The following PRKCE variants were observed in gnomAD, a reference collection of about 807,000 sequenced individuals.
PRKCE encodes protein kinase C epsilon type.
Under a neutral mutation model 85.4 loss-of-function variants are expected in PRKCE, and 16 were observed. The ratio of observed to expected loss-of-function variants is 0.19; its 90% CI spans 0.13 to 0.28. The LOEUF is 0.28. Among genes scored for constraint, PRKCE ranks in the 10% least tolerant of loss-of-function variants. PRKCE has a pLI of 1.00. For missense variants in PRKCE, 573 were observed against 975.2 expected (o/e 0.59, Z 5.49); for synonymous variants, 388 against 371.5 (o/e 1.04, Z -0.51).
chr2:46,040,975 T>A (rs1431021660), intron 10 of PRKCE, among the ~76,000 whole-genome samples: 1 of 152,216 alleles, frequency 6.6e-6, no homozygotes, highest in Non-Finnish European at 1.5e-5. Context: ...AATGAGAACT[T>A]TGTAAGTTAA....
intron 1 of PRKCE, among the ~76,000 whole-genome samples, chr2:45,706,757 G>A (rs1679148964): frequency 6.6e-6 from 1 of 152,192 alleles, no homozygotes; most frequent in Admixed American, 6.5e-5. Flanking sequence ...GTGTGTAAGA[G>A]AATCTAAGAA....
At position 46,083,803 on chromosome 2, in the gene PRKCE, A is replaced by T. The variant is rs560551229; in HGVS notation, c.1438-2405A>T. On this transcript the variant is annotated intron_variant, in intron 10 of 14. Transcript: ENST00000306156. The stretch of plus-strand genomic sequence containing the variant: ...CCATGTGATTCTAATGCACAAGTTT[A>T]AGAGTCTTTGTTCTTGGAAGGAATC... 2.0e-4 allele frequency among the ~76,000 whole-genome samples: 30 copies of T among 152,346 alleles called. No individual in the cohort carries two copies. In the South Asian group the frequency reaches 5.0e-3, roughly 25 times the overall value.
rs1384239207 is a variant in PRKCE, at chr2:45,800,076, T to C, written c.349-42924T>C. Among the ~76,000 whole-genome samples the C allele has an allele frequency of 2.0e-5, 3 of 152,190 alleles. No homozygotes were observed. In the East Asian group the frequency reaches 5.8e-4, roughly 29 times the overall value. On this transcript the variant is annotated intron_variant, in intron 1 of 14. Coordinates refer to ENST00000306156, the MANE Select transcript of PRKCE (RefSeq NM_005400.3). ...TGGGGAGAGATTTTCCCCCTAGTTC[T>C]CTAGTTTGTATAATGCTGGGTAGAT... is the stretch of plus-strand genomic sequence containing the variant.
intron 10 of PRKCE, among the ~76,000 whole-genome samples, chr2:46,035,740 T>A (rs1255396320): frequency 2.0e-5 from 3 of 152,224 alleles, no homozygotes; most frequent in Non-Finnish European, 4.4e-5. Flanking sequence ...TGTATATACA[T>A]AAACATAGCC....
At chr2:45,826,512 C>G (rs1415641277) in intron 1 of PRKCE, among the ~76,000 whole-genome samples, 1 of 152,178 alleles carries the variant, frequency 6.6e-6, no homozygotes, top group Non-Finnish European at 1.5e-5. Context: ...GTTTTTAGAG[C>G]TGTGGCTGTC....
At chr2:45,712,107 A>AGTTGACC (rs1371990705) in intron 1 of PRKCE, among the ~76,000 whole-genome samples, 1 of 139,446 alleles carries the variant, frequency 7.2e-6, no homozygotes, top group Admixed American at 7.3e-5. Flanking sequence ...TCCTGTTGAC[A>AGTTGACC]GTTGACCTCT....
intron 10 of PRKCE, among the ~76,000 whole-genome samples, chr2:46,037,916 T>A (rs1449692639): frequency 6.6e-6 from 1 of 152,204 alleles, no homozygotes; most frequent in Non-Finnish European, 1.5e-5. Flanking sequence ...CTGAAACTCC[T>A]TGATGCTTAT....
At chr2:46,007,337 G>A (rs578057293) in intron 8 of PRKCE, 125 bp from the exon 9 acceptor site, 3 of 889,378 alleles carry the variant, frequency 3.4e-6, no homozygotes, top group Non-Finnish European at 5.2e-6. Context: ...ATGTCACACT[G>A]GATCTGTTGT....
intron 1 of PRKCE, among the ~76,000 whole-genome samples, chr2:45,824,103 A>C (rs1191824923): frequency 6.6e-6 from 1 of 152,244 alleles, no homozygotes; most frequent in Admixed American, 6.5e-5. Context: ...GGCACAGCCC[A>C]GCATGGCTGT....
chr2:46,007,765 G>A (rs143987431), intron 9 of PRKCE, 104 bp downstream of exon 9: 45 of 1,290,040 alleles, frequency 3.5e-5, no homozygotes, highest in African/African-American at 9.0e-5. Context: ...GCCTGATCTC[G>A]TTAGGTTTTC....
intron 11 of PRKCE, among the ~76,000 whole-genome samples, chr2:46,143,667 C>T (rs1378784672): frequency 6.6e-6 from 1 of 152,184 alleles, no homozygotes; most frequent in East Asian, 1.9e-4. Context: ...TCACCCACAG[C>T]CAGAGCTGGG....
intron 2 of PRKCE, among the ~76,000 whole-genome samples, chr2:45,897,730 G>T (rs980035658): frequency 2.6e-5 from 4 of 152,136 alleles, no homozygotes; most frequent in Non-Finnish European, 5.9e-5. Context: ...CAGTGTGGGG[G>T]GTACTGAGAT....
At chr2:46,152,798 C>T (rs549634427) in intron 13 of PRKCE, among the ~76,000 whole-genome samples, 2 of 152,278 alleles carry the variant, frequency 1.3e-5, no homozygotes, top group East Asian at 1.9e-4. Context: ...CCACCCACCT[C>T]GGCTTCCCAA....
intron 2 of PRKCE, 66 bp downstream of exon 2, chr2:45,843,129 T>TC: frequency 1.4e-6 from 2 of 1,399,970 alleles, no homozygotes; most frequent in Non-Finnish European, 2.0e-6. Flanking sequence ...GGTCTCTTCT[T>TC]TCCCCCCCTT....
chr2:45,780,417 A>G (rs914995781), intron 1 of PRKCE, among the ~76,000 whole-genome samples: 8 of 152,174 alleles, frequency 5.3e-5, no homozygotes, highest in African/African-American at 7.2e-5. Context: ...CTCTGGCCCT[A>G]TATTCCTTGT....
intron 1 of PRKCE, among the ~76,000 whole-genome samples, chr2:45,718,657 A>G (rs1475248555): frequency 1.3e-5 from 2 of 152,134 alleles, no homozygotes; most frequent in Non-Finnish European, 2.9e-5. Context: ...CAATTGTTAT[A>G]TAAAGTTGAT....
At chr2:45,838,178 C>T (rs1399893488) in intron 1 of PRKCE, among the ~76,000 whole-genome samples, 1 of 152,156 alleles carries the variant, frequency 6.6e-6, no homozygotes, top group Non-Finnish European at 1.5e-5. Flanking sequence ...AAGCCAGTGA[C>T]ACCTGAAAAG....
intron 2 of PRKCE, among the ~76,000 whole-genome samples, chr2:45,945,005 C>T (rs1274752466): frequency 1.3e-5 from 2 of 152,080 alleles, no homozygotes; most frequent in Non-Finnish European, 2.9e-5. Flanking sequence ...TCTTCCACTT[C>T]TTGTTCCTCT....
intron 2 of PRKCE, among the ~76,000 whole-genome samples, chr2:45,962,025 C>T (rs997642456): frequency 6.6e-6 from 1 of 152,174 alleles, no homozygotes; most frequent in African/African-American, 2.4e-5. Context: ...TGGTAGACCT[C>T]AACCCCAGCC....
Sources: gnomAD v4.1 joint callset for allele counts (sites outside exome capture counted in the v4.1 genomes callset) on GRCh38, gnomAD v4.1.1 for gene constraint, MANE v1.5 for transcripts, NCBI Gene and HGNC (gene_info 2026-07-23, HGNC 2026-07-21) for gene names.